Variants in KCNAB1 observed in about 807,000 individuals in gnomAD.
KCNAB1 encodes potassium voltage-gated channel subfamily A regulatory beta subunit 1, also known as voltage-gated potassium channel subunit beta-1.
Under a neutral mutation model 64.6 loss-of-function variants are expected in KCNAB1, and 35 were observed. That is an observed-to-expected ratio of 0.54 (90% CI 0.41 to 0.72). The LOEUF (loss-of-function observed/expected upper bound fraction) is 0.72. KCNAB1 is among the 30% of genes least tolerant of loss of function. The pLI, the probability that KCNAB1 is intolerant of heterozygous loss-of-function variation, is 0.00. For missense variants in KCNAB1, 401 were observed against 512.9 expected (o/e 0.78, Z 2.11); for synonymous variants, 177 against 183.8 (o/e 0.96, Z 0.30).
At chr3:156,278,519 G>C (rs1719488834) in intron 1 of KCNAB1, among the ~76,000 whole-genome samples, 1 of 152,136 alleles carries the variant, frequency 6.6e-6, no homozygotes, top group South Asian at 2.1e-4. Flanking sequence ...CATAGCGGGT[G>C]CTCAAAAAAC....
chr3:156,168,622 T>C (rs897495789), intron 1 of KCNAB1, among the ~76,000 whole-genome samples: 8 of 152,216 alleles, frequency 5.3e-5, no homozygotes, highest in African/African-American at 1.9e-4. Context: ...CAATACAACA[T>C]GGATACATCA....
At position 156,428,488 on chromosome 3, in the gene KCNAB1, T is replaced by TATACACAC. The variant is rs1257782168; in HGVS notation, c.319+6830_319+6831insTACACACA. Among the ~76,000 whole-genome samples the TATACACAC allele has an allele frequency of 7.8e-5, 10 of 127,568 alleles. No homozygotes were observed. The East Asian group carries it at 2.2e-3, about 28-fold the overall frequency. 83.7% of individuals were successfully genotyped at this position (127,568 alleles called of 152,430 possible). On this transcript the variant is annotated intron_variant, in intron 2 of 13. Coordinates refer to ENST00000490337, the MANE Select transcript of KCNAB1 (RefSeq NM_172160.3). ...GAGCCAATTCCTTATAATTCCTCTA[T>TATACACAC]ACACACACACACACACACACACACA... is the stretch of plus-strand genomic sequence containing the variant.
chr3:156,348,640 A>C (rs2108079969), intron 1 of KCNAB1, among the ~76,000 whole-genome samples: 1 of 152,352 alleles, frequency 6.6e-6, no homozygotes, highest in Middle Eastern at 3.4e-3. Context: ...ACAGTTCTGT[A>C]CCTGTGTCTG....
chr3:156,411,713 A>C (rs993851746), intron 1 of KCNAB1, among the ~76,000 whole-genome samples: 8 of 152,116 alleles, frequency 5.3e-5, no homozygotes, highest in Non-Finnish European at 1.0e-4. Context: ...TGTTCCACTT[A>C]CTGTCTATTC....
intron 1 of KCNAB1, among the ~76,000 whole-genome samples, chr3:156,363,568 T>C (rs1018704106): frequency 2.6e-5 from 4 of 152,128 alleles, no homozygotes; most frequent in South Asian, 2.1e-4. Context: ...CTCTGCCTCC[T>C]GGGTTCAAGA....
chr3:156,250,969 T>C (rs1343801223), intron 1 of KCNAB1, among the ~76,000 whole-genome samples: 1 of 152,252 alleles, frequency 6.6e-6, no homozygotes, highest in Non-Finnish European at 1.5e-5. Context: ...CCCAGGATTT[T>C]CTTAAGTCAA....
intron 1 of KCNAB1, among the ~76,000 whole-genome samples, chr3:156,210,877 C>T (rs1328415459): frequency 6.6e-6 from 1 of 152,190 alleles, no homozygotes; most frequent in Non-Finnish European, 1.5e-5. Flanking sequence ...TATTTACTTG[C>T]TCAAAGAGGA....
At chr3:156,412,743 C>T (rs919498928) in intron 1 of KCNAB1, among the ~76,000 whole-genome samples, 1 of 152,170 alleles carries the variant, frequency 6.6e-6, no homozygotes, top group African/African-American at 2.4e-5. Flanking sequence ...CAGGAGCTAG[C>T]TATCTGTCAC....
chr3:156,349,207 G>C (rs1724697184), intron 1 of KCNAB1, among the ~76,000 whole-genome samples: 1 of 152,038 alleles, frequency 6.6e-6, no homozygotes, highest in Admixed American at 6.6e-5. Context: ...GTCCTTCTGA[G>C]GTTATTTAGG....
intron 1 of KCNAB1, among the ~76,000 whole-genome samples, chr3:156,146,693 G>A (rs987927083): frequency 3.3e-5 from 5 of 152,180 alleles, no homozygotes; most frequent in Admixed American, 2.6e-4. Flanking sequence ...GGCTATTGAT[G>A]ATATGCAAAT....
chr3:156,219,117 A>G (rs1177452499), intron 1 of KCNAB1, among the ~76,000 whole-genome samples: 1 of 152,136 alleles, frequency 6.6e-6, no homozygotes, highest in Non-Finnish European at 1.5e-5. Flanking sequence ...AAATCTCTTA[A>G]TTGCCAGAAA....
intron 1 of KCNAB1, among the ~76,000 whole-genome samples, chr3:156,214,887 C>T (rs78046314): frequency 0.035 from 5,272 of 152,204 alleles, 148 homozygotes; most frequent in Non-Finnish European, 0.051. Flanking sequence ...ATCAGGCTGT[C>T]GCCCGCCACA....
intron 1 of KCNAB1, among the ~76,000 whole-genome samples, chr3:156,255,518 C>T (rs1718052637): frequency 6.6e-6 from 1 of 152,126 alleles, no homozygotes; most frequent in Non-Finnish European, 1.5e-5. Flanking sequence ...TGACCCGAGC[C>T]TCTCTCCTGC....
rs1026080699 is a variant in KCNAB1, at chr3:156,537,017, G to A, written c.*270G>A. 2.1e-6 allele frequency: 1 copy of A among 476,818 alleles called. No individual in the cohort carries two copies. Among genetic ancestry groups the A allele is most frequent in the Non-Finnish European group, 3.7e-6 (1 of 272,162 alleles). 29.5% of individuals were successfully genotyped at this position (476,818 alleles called of 1,614,324 possible). On this transcript the variant is annotated 3_prime_UTR_variant, in exon 14 of 14. Transcript: ENST00000490337. ...ACACCTCATGCTTATGCAATGGGAA[G>A]AATATGGGGGCCAGGGGGTGTGGTA...
intron 5 of KCNAB1, among the ~76,000 whole-genome samples, chr3:156,460,937 A>G (rs1712855589): frequency 6.6e-6 from 1 of 152,290 alleles, no homozygotes; most frequent in South Asian, 2.1e-4. Flanking sequence ...GAAACAGAAA[A>G]CCAAATATTT....
intron 1 of KCNAB1, among the ~76,000 whole-genome samples, chr3:156,264,089 TAA>T (rs952508013): frequency 2.0e-5 from 3 of 152,148 alleles, no homozygotes; most frequent in Non-Finnish European, 4.4e-5. Context: ...GCTCTGTCTA[TAA>T]GTCCATATAT....
intron 12 of KCNAB1, among the ~76,000 whole-genome samples, chr3:156,530,724 A>C (rs1428407735): frequency 6.6e-6 from 1 of 152,202 alleles, no homozygotes; most frequent in Non-Finnish European, 1.5e-5. Flanking sequence ...CACAGGATGA[A>C]TCTTGGGTTA....
At chr3:156,282,307 T>C (rs1719774274) in intron 1 of KCNAB1, among the ~76,000 whole-genome samples, 2 of 149,618 alleles carry the variant, frequency 1.3e-5, no homozygotes, top group Non-Finnish European at 2.9e-5. Flanking sequence ...GAGTTCTAGT[T>C]TGATTGCACT....
intron 2 of KCNAB1, chr3:156,447,004 G>A (rs954161653): frequency 2.6e-5 from 4 of 152,176 alleles, no homozygotes; most frequent in Admixed American, 2.0e-4. Context: ...TGGCCACACT[G>A]GCTTCCTCCT....
Sources: allele counts gnomAD v4.1 joint callset (sites outside exome capture counted in the v4.1 genomes callset), GRCh38; gene constraint gnomAD v4.1.1; transcripts MANE v1.5; gene names NCBI Gene and HGNC (gene_info 2026-07-23, HGNC 2026-07-21).